RBMS3: variants seen among roughly 807,000 people sequenced by gnomAD.
RBMS3 encodes the protein RNA binding motif single stranded interacting protein 3.
Under a neutral mutation model 66.8 loss-of-function variants are expected in RBMS3, and 27 were observed. That is an observed-to-expected ratio of 0.40 (90% CI 0.30 to 0.56). The LOEUF (loss-of-function observed/expected upper bound fraction) is 0.56, where lower values mean the gene tolerates loss of function less well. RBMS3 is among the 20% of genes least tolerant of loss of function. RBMS3 has a pLI of 0.40. For missense variants in RBMS3, 513 were observed against 549.5 expected, an observed-to-expected ratio of 0.93 and a Z score of 0.66; for synonymous variants, 188 against 183.0, an observed-to-expected ratio of 1.03 and a Z score of -0.22.
At chr3:29,993,347 C>CAGATATTGGCTATGTATA (rs1169875333) in intron 14 of RBMS3, among the ~76,000 whole-genome samples, 17 of 151,258 alleles carry the variant, frequency 1.1e-4, no homozygotes, top group Non-Finnish European at 5.9e-5. Flanking sequence ...GGGAAAGGAG[C>CAGATATTGGCTATGTATA]AGATATTGGC....
At chr3:29,844,762 C>T (rs2058739597) in intron 6 of RBMS3, among the ~76,000 whole-genome samples, 1 of 152,168 alleles carries the variant, frequency 6.6e-6, no homozygotes, top group Non-Finnish European at 1.5e-5. Flanking sequence ...GCAAGTAATA[C>T]TGTACCTTTA....
intron 2 of RBMS3, among the ~76,000 whole-genome samples, chr3:29,472,508 T>A (rs1034194609): frequency 6.6e-6 from 1 of 152,278 alleles, no homozygotes; most frequent in African/African-American, 2.4e-5. Flanking sequence ...TGACTTCGAA[T>A]GAAGCCGTGG....
At chr3:29,793,556 A>G (rs914593519) in intron 6 of RBMS3, among the ~76,000 whole-genome samples, 1 of 152,250 alleles carries the variant, frequency 6.6e-6, no homozygotes, top group Non-Finnish European at 1.5e-5. Context: ...GCCTGATCTT[A>G]TTTAAGAAAT....
At chr3:29,803,064 TACTC>T (rs1235822072) in intron 6 of RBMS3, among the ~76,000 whole-genome samples, 4 of 152,158 alleles carry the variant, frequency 2.6e-5, no homozygotes, top group African/African-American at 9.7e-5. Context: ...TCCTATTTGA[TACTC>T]ACAGCCCGTT....
At chr3:29,755,725 G>A (rs2055380955) in intron 5 of RBMS3, among the ~76,000 whole-genome samples, 1 of 152,188 alleles carries the variant, frequency 6.6e-6, no homozygotes, top group Non-Finnish European at 1.5e-5. Flanking sequence ...AAAGCAGGGA[G>A]ACAAAGAGGG....
intron 6 of RBMS3, among the ~76,000 whole-genome samples, chr3:29,787,365 A>G (rs1260296449): frequency 6.6e-6 from 1 of 152,112 alleles, no homozygotes; most frequent in African/African-American, 2.4e-5. Context: ...TCATTACACA[A>G]AAAAAATACT....
chr3:29,803,790 T>A (rs1030623514), intron 6 of RBMS3, among the ~76,000 whole-genome samples: 6 of 152,034 alleles, frequency 3.9e-5, no homozygotes, highest in African/African-American at 1.4e-4. Context: ...AGAAACATAT[T>A]TTTAAATCAC....
At chr3:29,877,130 T>C (rs981379705) in intron 7 of RBMS3, among the ~76,000 whole-genome samples, 2 of 152,208 alleles carry the variant, frequency 1.3e-5, no homozygotes, top group Non-Finnish European at 2.9e-5. Flanking sequence ...TTAAACTTGA[T>C]GATATGTGTC....
chr3:29,327,395 G>T (rs944626544), intron 1 of RBMS3, among the ~76,000 whole-genome samples: 1 of 152,104 alleles, frequency 6.6e-6, no homozygotes, highest in Non-Finnish European at 1.5e-5. Context: ...AAAAGTTAAG[G>T]CTACCTCTAT....
At chr3:29,477,734 A>T (rs763134748) in intron 2 of RBMS3, among the ~76,000 whole-genome samples, 11 of 151,798 alleles carry the variant, frequency 7.2e-5, no homozygotes, top group Non-Finnish European at 1.2e-4. Context: ...GAGGAGAATG[A>T]GGTTAGTGAT....
At chr3:29,510,420 T>C (rs987423931) in intron 3 of RBMS3, among the ~76,000 whole-genome samples, 1 of 152,188 alleles carries the variant, frequency 6.6e-6, no homozygotes, top group Non-Finnish European at 1.5e-5. Flanking sequence ...CAAACTTAAA[T>C]TCTACTTACT....
At chr3:29,369,400 A>T (rs1014438898) in intron 1 of RBMS3, among the ~76,000 whole-genome samples, 1 of 151,588 alleles carries the variant, frequency 6.6e-6, no homozygotes, top group African/African-American at 2.4e-5. Flanking sequence ...CAAAAACCGC[A>T]TTTACTTTTG....
intron 4 of RBMS3, among the ~76,000 whole-genome samples, chr3:29,737,625 T>C (rs979516947): frequency 6.6e-6 from 1 of 152,216 alleles, no homozygotes; most frequent in Admixed American, 6.5e-5. Context: ...AATGGTGAAA[T>C]ACTATGAACC....
At chr3:29,395,010 G>A (rs2039481867) in intron 1 of RBMS3, among the ~76,000 whole-genome samples, 1 of 152,056 alleles carries the variant, frequency 6.6e-6, no homozygotes, top group African/African-American at 2.4e-5. Flanking sequence ...TGCCTCTCTG[G>A]CCCCTTTCAG....
intron 9 of RBMS3, 97 bp from the exon 10 acceptor site, chr3:29,899,608 A>ACT: frequency 1.0e-6 from 1 of 995,226 alleles, no homozygotes. Flanking sequence ...AGTCAGGTGG[A>ACT]CTCCACTTTC....
chr3:29,836,846 C>T (rs1465106904), intron 6 of RBMS3, among the ~76,000 whole-genome samples: 1 of 150,876 alleles, frequency 6.6e-6, no homozygotes. Flanking sequence ...ACAATTTTTA[C>T]TTGTTAATTA....
At chr3:29,837,663 CATAT>C (rs3070797) in intron 6 of RBMS3, among the ~76,000 whole-genome samples, 3,805 of 67,006 alleles carry the variant, frequency 0.057, 88 homozygotes, top group South Asian at 0.07. Flanking sequence ...ATATAATGAA[CATAT>C]ATATATATAT....
At chr3:29,669,819 TCTTACTGGGG>T (rs2050920540) in intron 4 of RBMS3, among the ~76,000 whole-genome samples, 1 of 152,196 alleles carries the variant, frequency 6.6e-6, no homozygotes, top group South Asian at 2.1e-4. Context: ...AGGACTGGTT[TCTTACTGGGG>T]CGACTGCACA....
rs2059804076 is a variant in RBMS3, at chr3:29,884,190, C to T, written c.773C>T (p.Thr258Ile). ...GGCATGGCTTTGACCTATGACCCCA[C>T]AGCTGCCATACAGAATGGGTAAGTA... ...EAGMALTYDP[T>I]AAIQNGFYSS... Residue 258 changes from threonine (T) to isoleucine (I), a missense_variant, in exon 8 of 15, where the codon ACA becomes ATA. Coordinates refer to ENST00000383767, the MANE Select transcript of RBMS3 (RefSeq NM_001003793.3). The T allele has an allele frequency of 1.2e-6, 2 of 1,611,550 alleles. No individual in the cohort carries two copies. Among genetic ancestry groups the T allele is most frequent in the East Asian group, 4.5e-5 (2 of 44,826 alleles).
Sources: allele counts gnomAD v4.1 joint callset (sites outside exome capture counted in the v4.1 genomes callset), GRCh38; gene constraint gnomAD v4.1.1; transcripts MANE v1.5; gene names NCBI Gene and HGNC (gene_info 2026-07-23, HGNC 2026-07-21).